Variants in CLUAP1 observed in about 807,000 individuals in gnomAD.
CLUAP1 encodes the protein intraflagellar transport 38.
Under a neutral mutation model 55.0 loss-of-function variants are expected in CLUAP1, and 50 were observed. That is an observed-to-expected ratio of 0.91 (90% CI 0.72 to 1.15). The LOEUF is 1.15. Ranked by LOEUF, CLUAP1 falls within the 50% of genes most tolerant of loss-of-function variation. The pLI, the probability that CLUAP1 is intolerant of heterozygous loss-of-function variation, is 0.00. For missense variants in CLUAP1, 530 were observed against 507.6 expected (o/e 1.04, Z -0.42); for synonymous variants, 195 against 175.4 (o/e 1.11, Z -0.88).
upstream of CLUAP1, chr16:3,496,193 G>C: frequency 1.8e-6 from 1 of 541,590 alleles, no homozygotes; most frequent in South Asian, 1.5e-5. Context: ...CAAGCAGGAA[G>C]CGCCATCATG....
intron 5 of CLUAP1, among the ~76,000 whole-genome samples, chr16:3,513,443 T>A (rs2037670688): frequency 1.3e-5 from 2 of 152,180 alleles, no homozygotes; most frequent in Non-Finnish European, 1.5e-5. Context: ...GTTTATTTTT[T>A]ATTTTTTTAA....
At chr16:3,520,110 T>A in intron 7 of CLUAP1, 74 bp downstream of exon 7, 1 of 1,437,190 alleles carries the variant, frequency 7.0e-7, no homozygotes, top group East Asian at 2.4e-5. Context: ...TGGTGGCTCA[T>A]GTCTGAAATC....
intron 9 of CLUAP1, among the ~76,000 whole-genome samples, chr16:3,528,278 T>G (rs2037986160): frequency 6.6e-6 from 1 of 152,202 alleles, no homozygotes; most frequent in Non-Finnish European, 1.5e-5. Flanking sequence ...GGCAGCATAC[T>G]TGAGGCATCA....
intron 1 of CLUAP1, among the ~76,000 whole-genome samples, chr16:3,502,499 A>G (rs1596380828): frequency 6.6e-6 from 1 of 150,592 alleles, no homozygotes; most frequent in South Asian, 2.1e-4. Context: ...GTGTGATCCG[A>G]GGGGTCTCTT....
Position 3,501,099 on chromosome 16 carries a change from C to T in CLUAP1, c.22+10C>T, listed in dbSNP as rs1442167641. On this transcript the variant is annotated intron_variant, in intron 1 of 11. Coordinates refer to ENST00000576634, the MANE Select transcript of CLUAP1 (RefSeq NM_015041.3). The stretch of plus-strand genomic sequence containing the variant: ...TTCCGCGACCTCCGCAGTAAGGCAG[C>T]CCCGCGCCCCTGTGACCTGCGGGTC... 7 of 1,589,698 alleles carry T rather than the reference C, an allele frequency of 4.4e-6. No individual in the cohort carries two copies. The highest frequency in any genetic ancestry group is 5.1e-6 in the Non-Finnish European group (6 of 1,173,460).
chr16:3,513,514 A>G (rs980786150), intron 5 of CLUAP1, among the ~76,000 whole-genome samples: 1 of 152,024 alleles, frequency 6.6e-6, no homozygotes, highest in Middle Eastern at 3.4e-3. Flanking sequence ...CGGTGGCTCA[A>G]TCTCGGCTCA....
chr16:3,533,111 C>T lies in CLUAP1; in HGVS notation c.1092+270C>T, dbSNP rs561826932. 1.6e-5 allele frequency: 25 copies of T among 1,536,152 alleles called. No homozygotes were observed. In the South Asian group the frequency reaches 2.6e-4, roughly 16 times the overall value. On this transcript the variant is annotated intron_variant, in intron 11 of 11. Coordinates refer to ENST00000576634, the MANE Select transcript of CLUAP1 (RefSeq NM_015041.3). ...TCGCTTTCCAAAGATGGAAGCAGCA[C>T]CAGCTCTCTTAGGTAAATGCAAGAC...
chr16:3,531,327 T>C (rs900285332), intron 10 of CLUAP1, among the ~76,000 whole-genome samples: 7 of 152,068 alleles, frequency 4.6e-5, no homozygotes, highest in African/African-American at 1.7e-4. Context: ...GAGACCATCC[T>C]GGCTAACACG....
chr16:3,536,420 C>G lies in CLUAP1; in HGVS notation c.*149C>G. 1 of 711,238 alleles carries G rather than the reference C, an allele frequency of 1.4e-6. No homozygotes were observed. The highest frequency in any genetic ancestry group is 3.3e-5 in the Admixed American group (1 of 30,392). The allele number at this position is 711,238 out of a possible 1,614,324, so 44.1% of individuals were successfully genotyped here. A position where few individuals can be genotyped will look rare whatever the true frequency, so the allele number is the denominator to read the frequency against. ...GCAATACTTATTTCTGCTTTAGCCT[C>G]CTATGTTTGCATTCCATGAAGCTTA... On this transcript the variant is annotated 3_prime_UTR_variant, in exon 12 of 12. Transcript: ENST00000576634.
chr16:3,506,513 C>A, intron 3 of CLUAP1, 98 bp downstream of exon 3: 1 of 1,003,712 alleles, frequency 1.0e-6, no homozygotes, highest in South Asian at 1.3e-5. Context: ...TTGAGTTTTT[C>A]TTTCTTTTTT....
chr16:3,524,048 C>G (rs570539340), intron 8 of CLUAP1, among the ~76,000 whole-genome samples: 45 of 152,266 alleles, frequency 3.0e-4, no homozygotes, highest in Non-Finnish European at 5.9e-4. Flanking sequence ...CTTGTAATCC[C>G]AGCACTTTGG....
At chr16:3,519,303 T>G (rs2037789134) in intron 6 of CLUAP1, among the ~76,000 whole-genome samples, 1 of 152,218 alleles carries the variant, frequency 6.6e-6, no homozygotes, top group East Asian at 1.9e-4. Context: ...GTGTGGCCAT[T>G]GCCACTGTGG....
In CLUAP1 at chr16:3,532,844, A is replaced by C; in HGVS notation, c.1092+3A>C. ...AAGGTGGAGACTCCGATGACAATGT[A>C]AGTCCCCCGCTCCCCTCAGTGGTTC... is the stretch of plus-strand genomic sequence containing the variant. On this transcript the variant is annotated splice_donor_region_variant and intron_variant, in intron 11 of 11. Coordinates refer to ENST00000576634, the MANE Select transcript of CLUAP1 (RefSeq NM_015041.3). 6.2e-7 allele frequency: 1 copy of C among 1,614,014 alleles called. No individual in the cohort carries two copies. Among genetic ancestry groups the C allele is most frequent in the Non-Finnish European group, 8.5e-7 (1 of 1,179,944 alleles).
Position 3,504,759 on chromosome 16 carries a change from A to G in CLUAP1, c.62A>G (p.His21Arg), listed in dbSNP as rs1455191765. The stretch of plus-strand genomic sequence containing the variant: ...ATGAGAGCCCTGGGATACCCTCGAC[A>G]TATTTCTATGGAAAATTTCCGTACA... ...EMMRALGYPR[H>R]ISMENFRTPN... is the part of the protein sequence containing the mutation. The change falls in exon 2 of 12, where the codon CAT becomes CGT. Residue 21 changes from histidine to arginine, a missense_variant. Physicochemically the swap from His to Arg is conservative, Grantham distance 29 (BLOSUM62 0). Transcript: ENST00000576634. The G allele has an allele frequency of 4.3e-6, 7 of 1,612,992 alleles. No homozygotes were observed. Among genetic ancestry groups the G allele is most frequent in the Admixed American group, 3.3e-5 (2 of 60,008 alleles).
At chr16:3,511,660 G>C (rs1015318097) in intron 4 of CLUAP1, among the ~76,000 whole-genome samples, 27 of 152,190 alleles carry the variant, frequency 1.8e-4, no homozygotes, top group Non-Finnish European at 5.9e-5. Flanking sequence ...AAGCACGTCA[G>C]CTTTCTCCCA....
chr16:3,508,611 G>C (rs193157764), intron 4 of CLUAP1, 143 bp downstream of exon 4: 2 of 658,266 alleles, frequency 3.0e-6, no homozygotes, highest in East Asian at 3.3e-5. Context: ...TCAGCATTTG[G>C]ATAAAGTCAA....
chr16:3,505,893 C>T (rs1030854055), intron 2 of CLUAP1, among the ~76,000 whole-genome samples: 1 of 152,158 alleles, frequency 6.6e-6, no homozygotes, highest in African/African-American at 2.4e-5. Context: ...AATGTAAAAA[C>T]AGTTCTTAGC....
chr16:3,502,899 G>A (rs1027109116), intron 1 of CLUAP1, among the ~76,000 whole-genome samples: 9 of 152,190 alleles, frequency 5.9e-5, no homozygotes, highest in African/African-American at 1.9e-4. Flanking sequence ...CAATAACACC[G>A]CAGCATTAAC....
In CLUAP1 at chr16:3,536,146, G is replaced by C; in HGVS notation, c.1117G>C (p.Asp373His). 1 of 1,614,172 alleles carries C rather than the reference G, an allele frequency of 6.2e-7. No homozygotes were observed. The highest frequency in any genetic ancestry group is 8.5e-7 in the Non-Finnish European group (1 of 1,180,030). Residue 373 changes from aspartate to histidine, a missense_variant, in exon 12 of 12, where the codon GAC becomes CAC. Physicochemically the swap from Asp to His is moderately conservative, Grantham distance 81. Coordinates refer to ENST00000576634, the MANE Select transcript of CLUAP1 (RefSeq NM_015041.3). ...DNEDSEESEIDMEDDDDEDDD... is the reference protein window; with the variant it reads ...DNEDSEESEIHMEDDDDEDDD... ...GGAGGACTCGGAGGAGAGTGAAATT[G>C]ACATGGAAGATGATGATGACGAGGA...
Sources: gnomAD v4.1 joint callset for allele counts (sites outside exome capture counted in the v4.1 genomes callset) on GRCh38, gnomAD v4.1.1 for gene constraint, MANE v1.5 for transcripts, NCBI Gene and HGNC (gene_info 2026-07-23, HGNC 2026-07-21) for gene names.